PMFBP1: variants seen among roughly 807,000 people sequenced by gnomAD.
PMFBP1 encodes polyamine modulated factor 1 binding protein 1.
In PMFBP1, 131 loss-of-function variants were observed where a neutral mutation model predicts 137.8. The observed-to-expected ratio is 0.95, with a 90% CI of 0.82 to 1.10. PMFBP1 has a LOEUF of 1.10. PMFBP1 is among the 50% of genes least tolerant of loss of function. The pLI is 0.00. For synonymous variants in PMFBP1, 490 were observed against 450.4 expected (o/e 1.09, Z -1.11); for missense variants, 1,199 against 1,175.4 (o/e 1.02, Z -0.29).
At chr16:72,216,882 A>G in the PMFBP1 span, among the ~76,000 whole-genome samples, 1 of 152,328 alleles carries the variant, frequency 6.6e-6, no homozygotes, top group South Asian at 2.1e-4. Flanking sequence ...TCGCTGCAGT[A>G]TAAGTAGTAG....
the PMFBP1 span, among the ~76,000 whole-genome samples, chr16:72,214,422 G>A: frequency 3.1e-4 from 47 of 152,112 alleles, 1 homozygote; most frequent in African/African-American, 1.1e-3. Context: ...TGATCCACCC[G>A]CCTCAGCTTC....
At chr16:72,117,634 T>C (rs915650664), downstream of PMFBP1, among the ~76,000 whole-genome samples, 1 of 152,216 alleles carries the variant, frequency 6.6e-6, no homozygotes, top group South Asian at 2.1e-4. Flanking sequence ...GTATAATGTT[T>C]GTTCTGGGTT....
Position 72,154,294 on chromosome 16 carries a change from G to C in PMFBP1, c.331C>G (p.Leu111Val), listed in dbSNP as rs776348421. The C allele has an allele frequency of 6.2e-7, 1 of 1,614,178 alleles. No homozygotes were observed. The highest frequency in any genetic ancestry group is 8.5e-7 in the Non-Finnish European group (1 of 1,180,018). ...TCTAGGATGGACTGATACTGGCGGA[G>C]AGAATAGTAAGAAGTCTGCAACTCC... The part of the protein sequence containing the change: ...TEELQTSYYS[L>V]RQYQSILEKQ... Residue 111 changes from leucine to valine, a missense_variant, in exon 4 of 21, where the codon CTC becomes GTC. By Grantham distance (32) the Leu-to-Val change is conservative (BLOSUM62 1). Coordinates refer to ENST00000237353, the MANE Select transcript of PMFBP1 (RefSeq NM_031293.3).
At chr16:72,246,121 T>C in the PMFBP1 span, among the ~76,000 whole-genome samples, 26 of 152,204 alleles carry the variant, frequency 1.7e-4, no homozygotes, top group Non-Finnish European at 1.2e-4. Context: ...AGATTCACTC[T>C]CATCGGCTAA....
In PMFBP1 at chr16:72,122,929, A is replaced by G; in HGVS notation, c.2753T>C (p.Leu918Pro). Residue 918 changes from leucine (L) to proline (P), a missense_variant, in exon 19 of 21, where the codon CTG becomes CCG. By Grantham distance (98) the Leu-to-Pro change is moderately conservative. Transcript: ENST00000237353. ...LREQVKYIAK[L>P]SGEKDHLHSV... ...GATGACTTACTCCTTTTCGCCACTC[A>G]GCTTGGCAATGTATTTCACCTGCTC... 1.9e-6 allele frequency: 3 copies of G among 1,613,396 alleles called. No individual in the cohort carries two copies. In the East Asian group the frequency reaches 6.7e-5, roughly 36 times the overall value.
chr16:72,171,120 T>C, intron 2 of PMFBP1, 77 bp downstream of exon 2: 1 of 1,499,798 alleles, frequency 6.7e-7, no homozygotes, highest in South Asian at 1.1e-5. Context: ...TACTGGAATT[T>C]TGAATCATAA....
At chr16:72,165,210 T>TTCTAGGCACC (rs2043127463) in intron 2 of PMFBP1, among the ~76,000 whole-genome samples, 1 of 152,308 alleles carries the variant, frequency 6.6e-6, no homozygotes, top group African/African-American at 2.4e-5. Flanking sequence ...TCTAGAATAA[T>TTCTAGGCACC]TCTAGGCACC....
upstream of PMFBP1, among the ~76,000 whole-genome samples, chr16:72,180,478 C>G (rs1170337773): frequency 2.0e-5 from 3 of 152,176 alleles, no homozygotes; most frequent in Non-Finnish European, 4.4e-5. Context: ...CTATCGACCA[C>G]ATTGACTGAA....
chr16:72,178,982 T>C (rs562547756), upstream of PMFBP1, among the ~76,000 whole-genome samples: 4 of 152,334 alleles, frequency 2.6e-5, no homozygotes, highest in South Asian at 8.3e-4. Context: ...CTCTCCAACA[T>C]AGACTCTGCT....
rs532020862 is a variant in PMFBP1 at position 72,149,790 on chromosome 16, C to CA, written c.636+817dup. 1.8e-3 allele frequency among the ~76,000 whole-genome samples: 269 copies of CA among 147,814 alleles called. 3 individuals carry two copies. The highest frequency in any genetic ancestry group is 0.016 in the South Asian group (73 of 4,662). ...GTGAGCCAAGATTGCACCACTATCTCAAAAAAAAAATGTGCATTTTGAAAG... is the reference window on the plus strand; with the variant it reads ...GTGAGCCAAGATTGCACCACTATCTCAAAAAAAAAAATGTGCATTTTGAAAG... On this transcript the variant is annotated intron_variant, in intron 5 of 20. Transcript: ENST00000237353.
At chr16:72,232,660 A>C in the PMFBP1 span, among the ~76,000 whole-genome samples, 1 of 152,162 alleles carries the variant, frequency 6.6e-6, no homozygotes, top group African/African-American at 2.4e-5. Context: ...AGAAATAAGG[A>C]AATGGATATA....
chr16:72,225,012 T>C, the PMFBP1 span: 2 of 152,212 alleles, frequency 1.3e-5, no homozygotes, highest in Non-Finnish European at 2.9e-5. Flanking sequence ...TAAACAAGCA[T>C]GTAGTTCTAT....
upstream of PMFBP1, among the ~76,000 whole-genome samples, chr16:72,173,657 A>C (rs949755260): frequency 2.6e-5 from 4 of 152,370 alleles, no homozygotes; most frequent in East Asian, 5.8e-4. Flanking sequence ...AAAAACTGGA[A>C]GTGTTATATG....
the PMFBP1 span, among the ~76,000 whole-genome samples, chr16:72,207,876 C>G: frequency 0.026 from 3,895 of 152,158 alleles, 56 homozygotes; most frequent in Middle Eastern, 0.037. Flanking sequence ...TGTGTAGTTC[C>G]AGTGAGAGTC....
chr16:72,142,200 G>T (rs2042734070), intron 5 of PMFBP1, among the ~76,000 whole-genome samples: 1 of 152,118 alleles, frequency 6.6e-6, no homozygotes, highest in Non-Finnish European at 1.5e-5. Context: ...TAATGTTCAT[G>T]TAGATAATGC....
upstream of PMFBP1, among the ~76,000 whole-genome samples, chr16:72,177,180 T>A (rs1017992967): frequency 1.3e-5 from 2 of 152,206 alleles, no homozygotes; most frequent in African/African-American, 4.8e-5. Context: ...AATTGGTTGC[T>A]CTTTCTTTCT....
the PMFBP1 span, among the ~76,000 whole-genome samples, chr16:72,183,706 A>G: frequency 1.3e-5 from 2 of 152,154 alleles, no homozygotes; most frequent in African/African-American, 4.8e-5. Context: ...CTAAACCCAT[A>G]ACAGTAGTTA....
At chr16:72,239,617 G>C in the PMFBP1 span, among the ~76,000 whole-genome samples, 1 of 151,930 alleles carries the variant, frequency 6.6e-6, no homozygotes, top group Non-Finnish European at 1.5e-5. Context: ...CTGTTGGCTG[G>C]GCGCAGTGGC....
upstream of PMFBP1, among the ~76,000 whole-genome samples, chr16:72,181,463 G>C (rs1481642858): frequency 2.6e-5 from 4 of 152,012 alleles, no homozygotes; most frequent in Non-Finnish European, 4.4e-5. Flanking sequence ...CTATACTACT[G>C]TCCACTTTTC....
Sources: allele counts gnomAD v4.1 joint callset (sites outside exome capture counted in the v4.1 genomes callset), GRCh38; gene constraint gnomAD v4.1.1; transcripts MANE v1.5; gene names NCBI Gene and HGNC (gene_info 2026-07-23, HGNC 2026-07-21).